The following CYP19A1 variants were observed in gnomAD, a reference collection of about 807,000 sequenced individuals.
CYP19A1 encodes the protein aromatase.
CYP19A1 carries 32 observed loss-of-function variants against 44.4 expected under a neutral mutation model. The ratio of observed to expected loss-of-function variants is 0.72; its 90% CI spans 0.54 to 0.97. CYP19A1 has a LOEUF of 0.97. Among genes scored for constraint, CYP19A1 ranks in the 50% least tolerant of loss-of-function variants. The pLI is 0.00. For synonymous variants in CYP19A1, 212 were observed against 215.6 expected (o/e 0.98, Z 0.14); for missense variants, 598 against 637.8 (o/e 0.94, Z 0.67).
At chr15:51,243,025 G>A in intron 1 of CYP19A1, 75 bp from the exon 2 acceptor site, 9 of 798,412 alleles carry the variant, frequency 1.1e-5, no homozygotes, top group South Asian at 9.4e-5. Context: ...TGCTTCAGAG[G>A]GTGCTGTACA....
chr15:51,218,407 A>G, intron 6 of CYP19A1, 134 bp downstream of exon 6: 3 of 1,353,982 alleles, frequency 2.2e-6, no homozygotes, highest in Non-Finnish European at 9.8e-7. Flanking sequence ...TTCATCAGCA[A>G]CTTAATCAAC....
chr15:51,260,478 G>A (rs755976122), intron 1 of CYP19A1, among the ~76,000 whole-genome samples: 5 of 152,162 alleles, frequency 3.3e-5, no homozygotes, highest in South Asian at 4.2e-4. Flanking sequence ...CAGCTGAGAC[G>A]GACTGAGATT....
chr15:51,228,067 G>C, intron 3 of CYP19A1, 134 bp from the exon 4 acceptor site: 1 of 720,868 alleles, frequency 1.4e-6, no homozygotes, highest in Non-Finnish European at 2.6e-6. Context: ...TCTAGTATTC[G>C]GGTTGAATAA....
At chr15:51,307,684 A>G (rs1016712725) in intron 1 of CYP19A1, among the ~76,000 whole-genome samples, 1 of 152,152 alleles carries the variant, frequency 6.6e-6, no homozygotes, top group African/African-American at 2.4e-5. Context: ...TAAGCTGTCA[A>G]CTTCTGGGTT....
chr15:51,307,556 C>T lies in CYP19A1; in HGVS notation c.-39+30939G>A, dbSNP rs777217928. Reference sequence around the variant, plus strand: ...ATGGTAGTGGTGTGAAAGAGCTGCCCGGAGCAAGTATGTGACAACTTTTAA... The same window carrying T: ...ATGGTAGTGGTGTGAAAGAGCTGCCTGGAGCAAGTATGTGACAACTTTTAA... On this transcript the variant is annotated intron_variant, in intron 1 of 9. Coordinates refer to ENST00000396402, the MANE Select transcript of CYP19A1 (RefSeq NM_000103.4). Among the ~76,000 whole-genome samples, 16 of 152,206 alleles carry T rather than the reference C, an allele frequency of 1.1e-4. No homozygotes were observed. The South Asian group carries it at 2.3e-3, about 22-fold the overall frequency.
At chr15:51,337,073 C>T (rs1050924231) in intron 1 of CYP19A1, among the ~76,000 whole-genome samples, 5 of 152,158 alleles carry the variant, frequency 3.3e-5, no homozygotes, top group African/African-American at 9.7e-5. Context: ...GGTATTCAGA[C>T]GAGAACCCAA....
At chr15:51,325,263 G>A (rs1412098922) in intron 1 of CYP19A1, among the ~76,000 whole-genome samples, 1 of 152,088 alleles carries the variant, frequency 6.6e-6, no homozygotes, top group East Asian at 1.9e-4. Flanking sequence ...GATCTGAATG[G>A]CAAGCTGAAG....
At chr15:51,255,693 G>A (rs2034487187) in intron 1 of CYP19A1, 1 of 152,192 alleles carries the variant, frequency 6.6e-6, no homozygotes, top group African/African-American at 2.4e-5. Flanking sequence ...CCACATGAAA[G>A]CTGTTATCAG....
chr15:51,297,426 C>T (rs886100606), intron 1 of CYP19A1, among the ~76,000 whole-genome samples: 1 of 152,170 alleles, frequency 6.6e-6, no homozygotes, highest in Non-Finnish European at 1.5e-5. Context: ...AGTGCATTTT[C>T]TCCTTTGTCA....
intron 1 of CYP19A1, among the ~76,000 whole-genome samples, chr15:51,303,115 A>G (rs1445570963): frequency 1.3e-5 from 2 of 152,234 alleles, no homozygotes; most frequent in Admixed American, 1.3e-4. Flanking sequence ...GGAAGGCTTC[A>G]GCTGTTAACA....
At chr15:51,319,817 C>A (rs941268434) in intron 1 of CYP19A1, among the ~76,000 whole-genome samples, 3 of 152,200 alleles carry the variant, frequency 2.0e-5, no homozygotes, top group African/African-American at 7.2e-5. Context: ...GGCTCCAGAT[C>A]CAGCTCTACC....
intron 1 of CYP19A1, among the ~76,000 whole-genome samples, chr15:51,254,650 C>A (rs2034448947): frequency 6.6e-6 from 1 of 152,172 alleles, no homozygotes. Flanking sequence ...TTGACTCTCT[C>A]AATCCAGTTT....
intron 1 of CYP19A1, among the ~76,000 whole-genome samples, chr15:51,258,469 A>C (rs11631715): frequency 0.64 from 96,991 of 152,082 alleles, 32,048 homozygotes; most frequent in African/African-American, 0.81. Flanking sequence ...TTAATGCATG[A>C]GACTTGACTC....
chr15:51,267,772 C>T (rs939929953), intron 1 of CYP19A1, among the ~76,000 whole-genome samples: 1 of 152,206 alleles, frequency 6.6e-6, no homozygotes, highest in African/African-American at 2.4e-5. Flanking sequence ...AGCGGGACCC[C>T]TTCTGAGCGC....
At chr15:51,310,881 T>C (rs1456834785) in intron 1 of CYP19A1, among the ~76,000 whole-genome samples, 1 of 152,158 alleles carries the variant, frequency 6.6e-6, no homozygotes, top group African/African-American at 2.4e-5. Context: ...ACCTCCAAGA[T>C]GTGCATGTGT....
At chr15:51,270,190 T>G (rs1351506558) in intron 1 of CYP19A1, among the ~76,000 whole-genome samples, 1 of 152,072 alleles carries the variant, frequency 6.6e-6, no homozygotes, top group Non-Finnish European at 1.5e-5. Context: ...TTTGGTTTTT[T>G]TTTTGGTACT....
intron 1 of CYP19A1, among the ~76,000 whole-genome samples, chr15:51,244,905 G>A (rs1185411483): frequency 6.6e-6 from 1 of 152,216 alleles, no homozygotes; most frequent in Non-Finnish European, 1.5e-5. Flanking sequence ...GCAAAGAGAA[G>A]AAGGCAAGCA....
chr15:51,235,652 T>C (rs1184985093), intron 3 of CYP19A1, among the ~76,000 whole-genome samples: 1 of 152,256 alleles, frequency 6.6e-6, no homozygotes, highest in Non-Finnish European at 1.5e-5. Context: ...ATTTCTCCCC[T>C]GCTCCCTTCT....
At chr15:51,224,207 A>C (rs191856842) in intron 4 of CYP19A1, among the ~76,000 whole-genome samples, 5 of 152,050 alleles carry the variant, frequency 3.3e-5, no homozygotes, top group African/African-American at 7.2e-5. Flanking sequence ...GCACTTAACT[A>C]TTTCTCTACA....
Sources: allele counts gnomAD v4.1 joint callset (sites outside exome capture counted in the v4.1 genomes callset), GRCh38; gene constraint gnomAD v4.1.1; transcripts MANE v1.5; gene names NCBI Gene and HGNC (gene_info 2026-07-23, HGNC 2026-07-21).